The following PPP1R14A variants were observed in gnomAD, a reference collection of about 807,000 sequenced individuals.
The protein encoded by PPP1R14A is protein phosphatase 1 regulatory inhibitor subunit 14A, also known as protein phosphatase 1 regulatory subunit 14A.
A neutral mutation model predicts 14.1 loss-of-function variants in PPP1R14A; 9 were observed. That is an observed-to-expected ratio of 0.64 (90% CI 0.38 to 1.11). PPP1R14A has a LOEUF of 1.11. Ranked by LOEUF, PPP1R14A falls within the 50% of genes most tolerant of loss-of-function variation. The probability of loss-of-function intolerance (pLI) is 0.01; values close to 1 mark genes in which losing one functional copy is unlikely to be tolerated. For missense variants in PPP1R14A, 208 were observed against 200.7 expected, an observed-to-expected ratio of 1.04 and a Z score of -0.22; for synonymous variants, 93 against 88.7, an observed-to-expected ratio of 1.05 and a Z score of -0.27.
At chr19:38,253,066 GC>G in intron 1 of PPP1R14A, 92 bp from the exon 2 acceptor site, 2 of 989,998 alleles carry the variant, frequency 2.0e-6, no homozygotes, top group South Asian at 1.3e-5. Flanking sequence ...CGGCCCCAGG[GC>G]CCAGCTGGCG....
chr19:38,256,141 T>G lies in PPP1R14A; in HGVS notation c.199A>C (p.Met67Leu). The G allele has an allele frequency of 6.5e-7, 1 of 1,543,420 alleles. No homozygotes were observed. Among genetic ancestry groups the G allele is most frequent in the Non-Finnish European group, 8.7e-7 (1 of 1,149,908 alleles). Residue 67 changes from methionine to leucine, a missense_variant and splice_region_variant, in exon 1 of 4, where the codon ATG (methionine) becomes CTG (leucine). Met to Leu is a conservative substitution (Grantham distance 15, BLOSUM62 2). Transcript: ENST00000301242. The surrounding 1 kb of genome is among the most constrained non-coding windows in gnomAD (Gnocchi z 5.7). ...DGRLEELYRGMEADMPDEINI... is the reference protein window; with the variant it reads ...DGRLEELYRGLEADMPDEINI... ...CCCCGAGCCCTCCCCGGGCTCACCA[T>G]GCCGCGGTACAGCTCCTCCAGGCGC...
intron 1 of PPP1R14A, among the ~76,000 whole-genome samples, chr19:38,253,987 A>G (rs1186304230): frequency 6.6e-6 from 1 of 152,200 alleles, no homozygotes; most frequent in African/African-American, 2.4e-5. Context: ...TGTGGGGCCC[A>G]CCACCTGAGA....
chr19:38,251,737 A>T lies in PPP1R14A; in HGVS notation c.316-291T>A. ...GAAACAGACACAGAAACAGAGAGAC[A>T]TGTAGAGATAGAGACAGAGAGAGAC... On this transcript the variant is annotated intron_variant, in intron 3 of 3. Transcript: ENST00000301242. 8.6e-6 allele frequency: 4 copies of T among 465,964 alleles called. No homozygotes were observed. The South Asian group carries it at 1.6e-4, about 18-fold the overall frequency. 28.9% of individuals were successfully genotyped at this position (465,964 alleles called of 1,614,324 possible). A position where few individuals can be genotyped will look rare whatever the true frequency, so the allele number is the denominator to read the frequency against.
At chr19:38,255,397 T>C (rs74999202) in intron 1 of PPP1R14A, among the ~76,000 whole-genome samples, 24,685 of 152,220 alleles carry the variant, frequency 0.16, 2,220 homozygotes, top group East Asian at 0.21. Context: ...ACAAAATGCG[T>C]GAGCCACTGT....
rs142604767 is a variant in PPP1R14A, at chr19:38,251,347, G to T, written c.415C>A (p.Gln139Lys). The T allele has an allele frequency of 1.9e-5, 29 of 1,542,132 alleles. No individual in the cohort carries two copies. The highest frequency in any genetic ancestry group is 9.2e-5 in the Admixed American group (4 of 43,378). ...GGGTGAGCAGTCCGGGCCCGGTCCT[G>T]GAGGGGGCTGAGGCTGCCGTCGTGG... is the stretch of plus-strand genomic sequence containing the variant. The part of the protein sequence containing the change: ...PSHDGSLSPL[Q>K]DRARTAHP Residue 139 changes from glutamine to lysine, a missense_variant, in exon 4 of 4, where the codon CAG becomes AAG. Coordinates refer to ENST00000301242, the MANE Select transcript of PPP1R14A (RefSeq NM_033256.3).
At chr19:38,251,780 A>C in intron 3 of PPP1R14A, 1 of 386,556 alleles carries the variant, frequency 2.6e-6, no homozygotes, top group Non-Finnish European at 4.6e-6. Flanking sequence ...CAGAGAAAGA[A>C]ACAGAGACAT....
In PPP1R14A at chr19:38,256,216, C is replaced by T; in HGVS notation, c.124G>A (p.Asp42Asn). Residue 42 changes from aspartate to asparagine, a missense_variant, in exon 1 of 4, where the codon GAC becomes AAC. Transcript: ENST00000301242. The surrounding 1 kb of genome is among the most constrained non-coding windows in gnomAD (Gnocchi z 5.7). ...KRHARVTVKY[D>N]RRELQRRLDV... ...AGCCGCCGCTGCAGCTCCCGCCGGTCATACTTGACGGTGACGCGCGCGTGC... is the reference window on the plus strand; with the variant it reads ...AGCCGCCGCTGCAGCTCCCGCCGGTTATACTTGACGGTGACGCGCGCGTGC... The T allele has an allele frequency of 6.4e-7, 1 of 1,555,802 alleles. No homozygotes were observed. Among genetic ancestry groups the T allele is most frequent in the Non-Finnish European group, 8.7e-7 (1 of 1,154,556 alleles).
At chr19:38,255,573 G>A (rs762333463) in intron 1 of PPP1R14A, among the ~76,000 whole-genome samples, 7 of 151,972 alleles carry the variant, frequency 4.6e-5, no homozygotes, top group African/African-American at 1.5e-4. Context: ...GGCCCATGCC[G>A]CTGTGTCTGC....
chr19:38,255,639 G>A (rs1044458594), intron 1 of PPP1R14A, among the ~76,000 whole-genome samples: 1 of 98,578 alleles, frequency 1.0e-5, no homozygotes, highest in Non-Finnish European at 2.2e-5. Flanking sequence ...CCCAGCCCCC[G>A]CTTGTGTCCT....
rs1242321643 is a variant in PPP1R14A at position 38,253,245 on chromosome 19, G to A, written c.202-271C>T. ...GCCTCGGGGCTGGCACGGGTCTCTC[G>A]CCTTGGCTCTAGTTCCCACAGAGGA... On this transcript the variant is annotated intron_variant, in intron 1 of 3. Transcript: ENST00000301242. The A allele has an allele frequency of 6.3e-5, 27 of 431,592 alleles. No homozygotes were observed. The East Asian group carries it at 8.6e-4, about 14-fold the overall frequency. 26.7% of individuals were successfully genotyped at this position (431,592 alleles called of 1,614,324 possible).
intron 1 of PPP1R14A, among the ~76,000 whole-genome samples, chr19:38,254,753 C>T (rs929176205): frequency 1.3e-5 from 2 of 152,206 alleles, no homozygotes; most frequent in African/African-American, 4.8e-5. Context: ...GTGGGTTCTG[C>T]AGTTGTATGT....
In PPP1R14A at chr19:38,256,225, C is replaced by A; in HGVS notation, c.115G>T (p.Val39Phe). 1.3e-6 allele frequency: 2 copies of A among 1,553,624 alleles called. No homozygotes were observed. Among genetic ancestry groups the A allele is most frequent in the Non-Finnish European group, 1.7e-6 (2 of 1,153,766 alleles). Residue 39 changes from valine to phenylalanine, a missense_variant, in exon 1 of 4, where the codon GTC becomes TTC. By Grantham distance (50) the Val-to-Phe change is conservative. Coordinates refer to ENST00000301242, the MANE Select transcript of PPP1R14A (RefSeq NM_033256.3). The surrounding 1 kb of genome is among the most constrained non-coding windows in gnomAD (Gnocchi z 5.7). ...TGCAGCTCCCGCCGGTCATACTTGACGGTGACGCGCGCGTGCCGCTTCTGC... is the reference window on the plus strand; with the variant it reads ...TGCAGCTCCCGCCGGTCATACTTGAAGGTGACGCGCGCGTGCCGCTTCTGC... ...GLQKRHARVTVKYDRRELQRR... is the reference protein window; with the variant it reads ...GLQKRHARVTFKYDRRELQRR...
chr19:38,253,526 A>T (rs1968214347), intron 1 of PPP1R14A, among the ~76,000 whole-genome samples: 1 of 152,062 alleles, frequency 6.6e-6, no homozygotes. Flanking sequence ...AGGCCCCTCA[A>T]GGTGGGTGGG....
chr19:38,252,157 G>T lies in PPP1R14A; in HGVS notation c.315+149C>A. 1 of 686,960 alleles carries T rather than the reference G, an allele frequency of 1.5e-6. No homozygotes were observed. The highest frequency in any genetic ancestry group is 2.5e-6 in the Non-Finnish European group (1 of 393,418). The allele number at this position is 686,960 out of a possible 1,614,324, so 42.6% of individuals were successfully genotyped here. A position where few individuals can be genotyped will look rare whatever the true frequency, so the allele number is the denominator to read the frequency against. On this transcript the variant is annotated intron_variant, in intron 3 of 3. Transcript: ENST00000301242. This position sits in a 1 kb window ranked among gnomAD's most constrained non-coding sequence, Gnocchi z 4.1. ...TAGGAGGACAAAAGACACCCCTGGA[G>T]ACCAGAAAGAGCTGCGGAGGGCAGG... is the stretch of plus-strand genomic sequence containing the variant.
chr19:38,254,542 T>C (rs1291227618), intron 1 of PPP1R14A, among the ~76,000 whole-genome samples: 1 of 152,076 alleles, frequency 6.6e-6, no homozygotes, highest in Non-Finnish European at 1.5e-5. Flanking sequence ...TGACCTCAAG[T>C]GATCTGCCCA....
rs753934253 is a variant in PPP1R14A, at chr19:38,252,882, C to A, written c.282+12G>T. 9 of 1,590,516 alleles carry A rather than the reference C, an allele frequency of 5.7e-6. No individual in the cohort carries two copies. In the Admixed American group the frequency reaches 1.5e-4, roughly 27 times the overall value. ...CAAAGTGGGAGGCTGGGGGACACGT[C>A]CCCCCACCTACCTGGATTTTCCGGC... On this transcript the variant is annotated intron_variant, in intron 2 of 3. Coordinates refer to ENST00000301242, the MANE Select transcript of PPP1R14A (RefSeq NM_033256.3). The surrounding 1 kb of genome is among the most constrained non-coding windows in gnomAD (Gnocchi z 4.1).
rs1479520362 is a variant in PPP1R14A at position 38,252,813 on chromosome 19, A to T, written c.282+81T>A. ...CACCAGTGCCCGGCATCTAGTGAGC[A>T]CTCAGTAAACACGTGAACTATTGCT... On this transcript the variant is annotated intron_variant, in intron 2 of 3. Coordinates refer to ENST00000301242, the MANE Select transcript of PPP1R14A (RefSeq NM_033256.3). The surrounding 1 kb of genome is among the most constrained non-coding windows in gnomAD (Gnocchi z 4.1). 1 of 1,017,788 alleles carries T rather than the reference A, an allele frequency of 9.8e-7. No homozygotes were observed. The highest frequency in any genetic ancestry group is 2.4e-5 in the East Asian group (1 of 42,160). The allele number at this position is 1,017,788 out of a possible 1,614,324, so 63.0% of individuals were successfully genotyped here.
chr19:38,256,077 T>TG lies in PPP1R14A; in HGVS notation c.201+61dup. 5 of 1,430,046 alleles carry TG rather than the reference T, an allele frequency of 3.5e-6. No homozygotes were observed. The highest frequency in any genetic ancestry group is 2.6e-5 in the South Asian group (2 of 75,562). 88.6% of individuals were successfully genotyped at this position (1,430,046 alleles called of 1,614,324 possible). A position where few individuals can be genotyped will look rare whatever the true frequency, so the allele number is the denominator to read the frequency against. Reference sequence around the variant, plus strand: ...AGTGTGCACCGAGACCCCAAGGGCGTGGGGTCTCCGCGCCCGGGCTCTATC... The same window carrying TG: ...AGTGTGCACCGAGACCCCAAGGGCGTGGGGGTCTCCGCGCCCGGGCTCTATC... On this transcript the variant is annotated intron_variant, in intron 1 of 3. Coordinates refer to ENST00000301242, the MANE Select transcript of PPP1R14A (RefSeq NM_033256.3). The surrounding 1 kb of genome is among the most constrained non-coding windows in gnomAD (Gnocchi z 5.7).
intron 1 of PPP1R14A, among the ~76,000 whole-genome samples, chr19:38,255,244 C>T (rs1030374017): frequency 6.6e-6 from 1 of 152,160 alleles, no homozygotes; most frequent in Non-Finnish European, 1.5e-5. Flanking sequence ...CCACCTCAGC[C>T]TCCTGAGGAG....
Sources: gnomAD v4.1 joint callset for allele counts (sites outside exome capture counted in the v4.1 genomes callset) on GRCh38, gnomAD v4.1.1 for gene constraint, Gnocchi (gnomAD v3.1) non-coding constraint, MANE v1.5 for transcripts, NCBI Gene and HGNC (gene_info 2026-07-23, HGNC 2026-07-21) for gene names.